The following PGC variants were observed in gnomAD, a reference collection of about 807,000 sequenced individuals.
The protein encoded by PGC is gastricsin.
A neutral mutation model predicts 45.9 loss-of-function variants in PGC; 31 were observed. That is an observed-to-expected ratio of 0.67 (90% CI 0.51 to 0.91). The LOEUF is 0.91. PGC is among the 40% of genes least tolerant of loss of function. The probability of loss-of-function intolerance (pLI) is 0.00; values close to 1 mark genes in which losing one functional copy is unlikely to be tolerated. For synonymous variants in PGC, 192 were observed against 201.8 expected (o/e 0.95, Z 0.41); for missense variants, 477 against 493.2 (o/e 0.97, Z 0.31).
chr6:41,741,296 G>T, intron 5 of PGC: 2 of 1,326,372 alleles, frequency 1.5e-6, no homozygotes, highest in African/African-American at 1.5e-5. Flanking sequence ...ACAGGGTGAG[G>T]TCCTTGAACT....
intron 1 of PGC, among the ~76,000 whole-genome samples, chr6:41,745,711 A>G (rs925093896): frequency 7.9e-5 from 12 of 151,020 alleles, no homozygotes; most frequent in African/African-American, 7.3e-5. Flanking sequence ...CACCATGCCC[A>G]GCTAATTTTG....
chr6:41,740,184 T>G (rs1771794771), intron 6 of PGC, among the ~76,000 whole-genome samples: 1 of 152,224 alleles, frequency 6.6e-6, no homozygotes, highest in Admixed American at 6.5e-5. Flanking sequence ...GTAAGGACTT[T>G]GAGCAAATTA....
chr6:41,742,238 G>T (rs1298178302), intron 5 of PGC, 52 bp downstream of exon 5: 2 of 1,533,148 alleles, frequency 1.3e-6, no homozygotes, highest in African/African-American at 2.7e-5. Flanking sequence ...AGTCGTCCAG[G>T]GCGGCCGGGG....
rs372664007 is a variant in PGC at position 41,742,372 on chromosome 6, C to T, written c.565G>A (p.Val189Met). 53 of 1,614,152 alleles carry T rather than the reference C, an allele frequency of 3.3e-5. No individual in the cohort carries two copies. The highest frequency in any genetic ancestry group is 2.8e-4 in the African/African-American group (21 of 75,020). Residue 189 changes from valine to methionine, a missense_variant, in exon 5 of 9, where the codon GTG becomes ATG. Coordinates refer to ENST00000373025, the MANE Select transcript of PGC (RefSeq NM_002630.4). ...IMGLAYPALS[V>M]DEATTAMQGM... ...TGCATAGCTGTGGTGGCCTCATCCA[C>T]GGACAGAGCAGGGTAGGCCAGGCCC... is the stretch of plus-strand genomic sequence containing the variant.
chr6:41,741,574 A>T (rs1357213974), intron 5 of PGC, among the ~76,000 whole-genome samples: 2 of 152,212 alleles, frequency 1.3e-5, no homozygotes, highest in African/African-American at 4.8e-5. Context: ...TGAATCCGGG[A>T]GGCAGAAGTA....
At position 41,743,349 on chromosome 6, in the gene PGC, G is replaced by T. The variant is rs1483144486; in HGVS notation, c.369C>A (p.Tyr123Ter). 1 of 1,613,972 alleles carries T rather than the reference G, an allele frequency of 6.2e-7. No homozygotes were observed. The highest frequency in any genetic ancestry group is 8.5e-7 in the Non-Finnish European group (1 of 1,179,914). ...SRFNPSESSTYSTNGQTFSLQ... is the reference protein window; with the variant it reads ...SRFNPSESST Reference sequence around the variant, plus strand: ...GGGAGAAGGTCTGCCCATTGGTGGAGTAGGTGGACGACTCGCTGGGGTTGA... The same window carrying T: ...GGGAGAAGGTCTGCCCATTGGTGGATTAGGTGGACGACTCGCTGGGGTTGA... The change falls in exon 4 of 9, where the codon TAC (tyrosine) becomes TAA (stop). Residue 123 changes from tyrosine (Y) to a stop codon, truncating the protein, a stop_gained. Coordinates refer to ENST00000373025, the MANE Select transcript of PGC (RefSeq NM_002630.4). LOFTEE classifies it high-confidence loss of function.
intron 5 of PGC, 133 bp from the exon 6 acceptor site, chr6:41,740,743 T>G: frequency 2.7e-6 from 4 of 1,463,260 alleles, no homozygotes; most frequent in Non-Finnish European, 3.6e-6. Context: ...GAGCACTGAG[T>G]CTCCCTTCAG....
Position 41,742,507 on chromosome 6 carries a change from G to A in PGC, c.448-18C>T, listed in dbSNP as rs374929367. On this transcript the variant is annotated intron_variant, in intron 4 of 8. Coordinates refer to ENST00000373025, the MANE Select transcript of PGC (RefSeq NM_002630.4). Reference sequence around the variant, plus strand: ...CTCTGGACCTAATGGAGACACAAACGAGGGGAGGTGACCAGTCTGACTCCA... The same window carrying A: ...CTCTGGACCTAATGGAGACACAAACAAGGGGAGGTGACCAGTCTGACTCCA... The A allele has an allele frequency of 1.9e-4, 303 of 1,607,864 alleles. No individual in the cohort carries two copies. Among genetic ancestry groups the A allele is most frequent in the South Asian group, 8.0e-4 (73 of 90,924 alleles).
In PGC at chr6:41,736,780, A is replaced by T; in HGVS notation, c.*72T>A. On this transcript the variant is annotated 3_prime_UTR_variant, in exon 9 of 9. Coordinates refer to ENST00000373025, the MANE Select transcript of PGC (RefSeq NM_002630.4). ...AAAGAAGGCTGAATCCAGAGTGGAA[A>T]GACAGATACAATGCCCTAGGAGGGT... 2.0e-6 allele frequency: 3 copies of T among 1,469,070 alleles called. No homozygotes were observed. Among genetic ancestry groups the T allele is most frequent in the Non-Finnish European group, 2.9e-6 (3 of 1,048,098 alleles). 91.0% of individuals were successfully genotyped at this position (1,469,070 alleles called of 1,614,324 possible).
In PGC at chr6:41,744,673, G is replaced by A; in HGVS notation, c.195C>T (p.Pro65=). The change falls in exon 2 of 9, where the codon CCC becomes CCT. Residue 65 remains proline, a synonymous_variant. Transcript: ENST00000373025. This position sits in a 1 kb window ranked among gnomAD's most constrained non-coding sequence, Gnocchi z 4.4. ...RFGDLSVTYE[P]MAYMDAAYFG... ...CAGGACTCACATCCATGTAGGCCATGGGCTCGTAGGTCACGCTGAGGTCAC... is the reference window on the plus strand; with the variant it reads ...CAGGACTCACATCCATGTAGGCCATAGGCTCGTAGGTCACGCTGAGGTCAC... 1 of 1,614,110 alleles carries A rather than the reference G, an allele frequency of 6.2e-7. No individual in the cohort carries two copies. Among genetic ancestry groups the A allele is most frequent in the Non-Finnish European group, 8.5e-7 (1 of 1,180,012 alleles).
intron 5 of PGC, chr6:41,741,906 G>T: frequency 7.7e-7 from 1 of 1,296,734 alleles, no homozygotes; most frequent in Non-Finnish European, 1.1e-6. Flanking sequence ...GATACAGGTA[G>T]AAAACATTCG....
At chr6:41,743,070 T>C (rs1331469527) in intron 4 of PGC, among the ~76,000 whole-genome samples, 1 of 152,226 alleles carries the variant, frequency 6.6e-6, no homozygotes, top group Non-Finnish European at 1.5e-5. Context: ...GTCCCTCTTG[T>C]TCAGTATGGT....
Position 41,736,855 on chromosome 6 carries a change from G to C in PGC, c.1164C>G (p.Ala388=). 6.2e-7 allele frequency: 1 copy of C among 1,614,130 alleles called. No individual in the cohort carries two copies. The highest frequency in any genetic ancestry group is 8.5e-7 in the Non-Finnish European group (1 of 1,180,026). The change falls in exon 9 of 9, where the codon GCC becomes GCG. Residue 388 remains alanine (A), a synonymous_variant. Coordinates refer to ENST00000373025, the MANE Select transcript of PGC (RefSeq NM_002630.4). ...CCCACGTGTCGAGGCAGCAAGTCTA[G>C]GCGGCAGTGGCAAAGCCTACTCTGT... is the stretch of plus-strand genomic sequence containing the variant. ...GNNRVGFATA[A]
chr6:41,738,350 G>A (rs1287252466), intron 7 of PGC, among the ~76,000 whole-genome samples: 2 of 150,946 alleles, frequency 1.3e-5, no homozygotes, highest in African/African-American at 4.9e-5. Context: ...AGATCTGGCC[G>A]GGCATGGTGG....
In PGC at chr6:41,742,289, C is replaced by T. The variant is rs1357015610; in HGVS notation, c.647+1G>A. ...TGGGGACTGGCCAGCTGGTTGCTCA[C>T]TTGCTGAGGTAGACGCTGAAGACGG... On this transcript the variant is annotated splice_donor_variant, in intron 5 of 8. Coordinates refer to ENST00000373025, the MANE Select transcript of PGC (RefSeq NM_002630.4). LOFTEE classifies it high-confidence loss of function. The T allele has an allele frequency of 1.2e-6, 2 of 1,613,332 alleles. No individual in the cohort carries two copies. Among genetic ancestry groups the T allele is most frequent in the Non-Finnish European group, 8.5e-7 (1 of 1,179,626 alleles).
In PGC at chr6:41,742,460, C is replaced by T. The variant is rs761451538; in HGVS notation, c.477G>A (p.Glu159=). 1.2e-6 allele frequency: 2 copies of T among 1,614,186 alleles called. No individual in the cohort carries two copies. The highest frequency in any genetic ancestry group is 8.5e-7 in the Non-Finnish European group (1 of 1,180,024). The change falls in exon 5 of 9, where the codon GAG becomes GAA. Residue 159 remains glutamate, a synonymous_variant. Transcript: ENST00000373025. ...TVQSIQVPNQ[E]FGLSENEPGT... Reference sequence around the variant, plus strand: ...CAGGCTCATTCTCACTCAAGCCGAACTCCTGGTTGGGGACCTGGATGCTCT... The same window carrying T: ...CAGGCTCATTCTCACTCAAGCCGAATTCCTGGTTGGGGACCTGGATGCTCT...
intron 6 of PGC, 108 bp downstream of exon 6, chr6:41,740,383 G>T: frequency 7.2e-7 from 1 of 1,380,646 alleles, no homozygotes; most frequent in Non-Finnish European, 9.7e-7. Flanking sequence ...AGCCTCAGGG[G>T]TCCTCTGCCC....
chr6:41,738,271 C>T (rs1253049790), intron 7 of PGC, among the ~76,000 whole-genome samples: 3 of 109,488 alleles, frequency 2.7e-5, no homozygotes, highest in Non-Finnish European at 3.9e-5. Context: ...TATGCACACA[C>T]ACACACACAC....
At chr6:41,738,228 ATATATATATG>A (rs762023345) in intron 7 of PGC, among the ~76,000 whole-genome samples, 6,011 of 20,544 alleles carry the variant, frequency 0.29, 537 homozygotes, top group Non-Finnish European at 0.39. Context: ...ATATATATGC[ATATATATATG>A]TATATATATA....
Sources: gnomAD v4.1 joint callset for allele counts (sites outside exome capture counted in the v4.1 genomes callset) on GRCh38, gnomAD v4.1.1 for gene constraint, Gnocchi (gnomAD v3.1) non-coding constraint, MANE v1.5 for transcripts, NCBI Gene and HGNC (gene_info 2026-07-23, HGNC 2026-07-21) for gene names.